Variants in SLC25A12 observed in about 807,000 individuals in gnomAD.
SLC25A12 encodes the protein solute carrier family 25 member 12, also known as electrogenic aspartate/glutamate antiporter SLC25A12, mitochondrial.
Under a neutral mutation model 83.3 loss-of-function variants are expected in SLC25A12, and 32 were observed. That is an observed-to-expected ratio of 0.38 (90% confidence interval 0.29 to 0.52). The LOEUF is 0.52. Among genes scored for constraint, SLC25A12 ranks in the 20% least tolerant of loss-of-function variants. The probability of loss-of-function intolerance (pLI) is 0.84; values close to 1 mark genes in which losing one functional copy is unlikely to be tolerated. For missense variants in SLC25A12, 611 were observed against 835.6 expected, an observed-to-expected ratio of 0.73 and a Z score of 3.31; for synonymous variants, 267 against 291.1, an observed-to-expected ratio of 0.92 and a Z score of 0.84.
intron 13 of SLC25A12, among the ~76,000 whole-genome samples, chr2:171,803,638 T>C (rs573262850): frequency 1.3e-5 from 2 of 152,244 alleles, no homozygotes; most frequent in African/African-American, 2.4e-5. Flanking sequence ...ATGTGGAAAG[T>C]AGCTGTGCAT....
At chr2:171,844,950 T>C (rs1354727942) in intron 4 of SLC25A12, among the ~76,000 whole-genome samples, 1 of 152,142 alleles carries the variant, frequency 6.6e-6, no homozygotes, top group African/African-American at 2.4e-5. Context: ...TGAGGCTTGA[T>C]TATTACATTC....
Position 171,837,716 on chromosome 2 carries a change from G to T in SLC25A12, c.466-449C>A, listed in dbSNP as rs573071740. ...TTCAATTTTAAATGTTGCAATCAAA[G>T]TCTCTCTCTCTGTCATTCTATAAAT... is the stretch of plus-strand genomic sequence containing the variant. On this transcript the variant is annotated intron_variant, in intron 5 of 17. Coordinates refer to ENST00000422440, the MANE Select transcript of SLC25A12 (RefSeq NM_003705.5). Among the ~76,000 whole-genome samples the T allele has an allele frequency of 2.6e-5, 4 of 152,128 alleles. No individual in the cohort carries two copies. In the South Asian group the frequency reaches 8.3e-4, roughly 32 times the overall value.
At chr2:171,803,341 C>T (rs1438151444) in intron 13 of SLC25A12, among the ~76,000 whole-genome samples, 1 of 151,872 alleles carries the variant, frequency 6.6e-6, no homozygotes, top group African/African-American at 2.4e-5. Flanking sequence ...ATAGATTAAA[C>T]GAACTTCATT....
At chr2:171,813,570 T>C (rs1007252780) in intron 10 of SLC25A12, 73 bp from the exon 11 acceptor site, 21 of 1,457,354 alleles carry the variant, frequency 1.4e-5, no homozygotes, top group Non-Finnish European at 1.9e-5. Flanking sequence ...TGACAAATCT[T>C]ATCTTAAAGG....
intron 2 of SLC25A12, among the ~76,000 whole-genome samples, chr2:171,875,028 T>C (rs1021156011): frequency 6.6e-6 from 1 of 152,220 alleles, no homozygotes; most frequent in African/African-American, 2.4e-5. Flanking sequence ...GACTCTTCCT[T>C]TGCATAGAAA....
chr2:171,801,960 C>G (rs1040830785), intron 13 of SLC25A12, among the ~76,000 whole-genome samples: 3 of 146,088 alleles, frequency 2.1e-5, no homozygotes, highest in African/African-American at 7.7e-5. Flanking sequence ...TACAGAAAGA[C>G]AGAAATTTTC....
intron 13 of SLC25A12, among the ~76,000 whole-genome samples, chr2:171,804,648 G>A (rs1033626076): frequency 1.3e-5 from 2 of 152,174 alleles, no homozygotes; most frequent in Non-Finnish European, 2.9e-5. Flanking sequence ...GCAGTGGCTC[G>A]TATCTGTAAC....
chr2:171,831,283 A>T (rs145768935), intron 8 of SLC25A12, among the ~76,000 whole-genome samples: 151 of 152,252 alleles, frequency 9.9e-4, no homozygotes, highest in Middle Eastern at 3.4e-3. Context: ...TCCTCATGGA[A>T]CCCCAAGAAC....
intron 3 of SLC25A12, among the ~76,000 whole-genome samples, chr2:171,857,643 C>A (rs773906638): frequency 4.6e-5 from 7 of 152,146 alleles, no homozygotes; most frequent in Non-Finnish European, 8.8e-5. Flanking sequence ...CAAGATTGTG[C>A]CACTGTACTC....
At chr2:171,880,318 T>C (rs1397519238) in intron 2 of SLC25A12, among the ~76,000 whole-genome samples, 3 of 152,138 alleles carry the variant, frequency 2.0e-5, no homozygotes, top group Non-Finnish European at 4.4e-5. Flanking sequence ...AGTCTCCCTC[T>C]GTCACCCAGG....
intron 9 of SLC25A12, among the ~76,000 whole-genome samples, chr2:171,820,825 C>A (rs1052636695): frequency 6.6e-6 from 1 of 151,628 alleles, no homozygotes; most frequent in African/African-American, 2.4e-5. Flanking sequence ...CAAACTGTTA[C>A]ATGCTTCAAA....
At position 171,844,527 on chromosome 2, in the gene SLC25A12, A is replaced by C. The variant is rs775583193; in HGVS notation, c.326-19T>G. ...ACATTTTCTTAAAAGGGAAAACAAA[A>C]ATAAATCAATTATATCTGGAATAAG... On this transcript the variant is annotated intron_variant, in intron 4 of 17. Transcript: ENST00000422440. 1.1e-5 allele frequency: 16 copies of C among 1,488,026 alleles called. No individual in the cohort carries two copies. Among genetic ancestry groups the C allele is most frequent in the Non-Finnish European group, 1.4e-5 (15 of 1,065,880 alleles). 92.2% of individuals were successfully genotyped at this position (1,488,026 alleles called of 1,614,324 possible).
chr2:171,844,607 G>T, intron 4 of SLC25A12, 99 bp from the exon 5 acceptor site: 1 of 842,070 alleles, frequency 1.2e-6, no homozygotes, highest in Non-Finnish European at 1.9e-6. Context: ...AGTTTTAAAA[G>T]TCAATATCAT....
chr2:171,803,492 TCAAAGAAGATA>T (rs1683755747), intron 13 of SLC25A12, among the ~76,000 whole-genome samples: 2 of 152,160 alleles, frequency 1.3e-5, no homozygotes, highest in African/African-American at 4.8e-5. Context: ...AGACATTTTT[TCAAAGAAGATA>T]TACAAGTGGT....
At chr2:171,837,802 A>G (rs1684588971) in intron 5 of SLC25A12, among the ~76,000 whole-genome samples, 1 of 152,208 alleles carries the variant, frequency 6.6e-6, no homozygotes, top group East Asian at 1.9e-4. Flanking sequence ...AACTCTACCA[A>G]CTGGTAAGTG....
chr2:171,862,004 C>T (rs1398149760), intron 3 of SLC25A12, among the ~76,000 whole-genome samples: 13 of 152,052 alleles, frequency 8.5e-5, no homozygotes, highest in South Asian at 6.2e-4. Context: ...AAATTTTCTA[C>T]GAAGCCCCTT....
intron 2 of SLC25A12, among the ~76,000 whole-genome samples, chr2:171,891,604 A>G (rs761624495): frequency 3.9e-5 from 6 of 152,220 alleles, no homozygotes; most frequent in Non-Finnish European, 8.8e-5. Flanking sequence ...ATACCTAGGC[A>G]GTATTCTTTT....
At chr2:171,882,593 A>G (rs972444831) in intron 2 of SLC25A12, among the ~76,000 whole-genome samples, 1 of 152,248 alleles carries the variant, frequency 6.6e-6, no homozygotes, top group Non-Finnish European at 1.5e-5. Context: ...ACTCATGGCT[A>G]GAGCCAGTAC....
intron 5 of SLC25A12, among the ~76,000 whole-genome samples, chr2:171,841,265 A>G (rs565912612): frequency 6.6e-6 from 1 of 152,232 alleles, no homozygotes; most frequent in African/African-American, 2.4e-5. Flanking sequence ...CTTTTAGTAG[A>G]GACAGGGTTT....
Sources: allele counts gnomAD v4.1 joint callset (sites outside exome capture counted in the v4.1 genomes callset), GRCh38; gene constraint gnomAD v4.1.1; transcripts MANE v1.5; gene names NCBI Gene and HGNC (gene_info 2026-07-23, HGNC 2026-07-21).